Variants in ANKRD44 observed in about 807,000 individuals in gnomAD.
ANKRD44 encodes ankyrin repeat domain 44, also known as serine/threonine-protein phosphatase 6 regulatory ankyrin repeat subunit B.
ANKRD44 carries 35 observed loss-of-function variants against 116.0 expected under a neutral mutation model. The observed-to-expected ratio is 0.30, with a 90% CI of 0.23 to 0.40. The LOEUF (loss-of-function observed/expected upper bound fraction) is 0.40. ANKRD44 is among the 10% of genes least tolerant of loss of function. The pLI, the probability that ANKRD44 is intolerant of heterozygous loss-of-function variation, is 1.00. For synonymous variants in ANKRD44, 435 were observed against 461.8 expected (o/e 0.94, Z 0.74); for missense variants, 1,014 against 1,242.6 (o/e 0.82, Z 2.77).
At chr2:197,054,293 T>C (rs766757853) in intron 16 of ANKRD44, among the ~76,000 whole-genome samples, 28 of 152,126 alleles carry the variant, frequency 1.8e-4, no homozygotes, top group Non-Finnish European at 3.4e-4. Context: ...AACAAAGAAC[T>C]GAGAGAAACG....
Position 197,310,668 on chromosome 2 carries a change from C to T in ANKRD44, c.-64G>A. The T allele has an allele frequency of 4.6e-6, 6 of 1,307,456 alleles. No individual in the cohort carries two copies. The highest frequency in any genetic ancestry group is 6.0e-6 in the Non-Finnish European group (6 of 1,005,318). 81.0% of individuals were successfully genotyped at this position (1,307,456 alleles called of 1,614,324 possible). ...GGCCCGCAGATGTCACGCCGGGAGCCGGGGAAGCGGAAGGGATTGCCAGGA... is the reference window on the plus strand; with the variant it reads ...GGCCCGCAGATGTCACGCCGGGAGCTGGGGAAGCGGAAGGGATTGCCAGGA... On this transcript the variant is annotated 5_prime_UTR_variant, in exon 1 of 28. Transcript: ENST00000282272.
At chr2:197,115,157 G>A (rs2078678361) in intron 8 of ANKRD44, among the ~76,000 whole-genome samples, 1 of 152,164 alleles carries the variant, frequency 6.6e-6, no homozygotes, top group Non-Finnish European at 1.5e-5. Context: ...AAAGAATTGA[G>A]ACCATGCACA....
intron 1 of ANKRD44, among the ~76,000 whole-genome samples, chr2:197,213,372 G>A (rs1344637445): frequency 7.2e-5 from 11 of 152,104 alleles, no homozygotes; most frequent in Admixed American, 6.6e-5. Context: ...TAATATCTAC[G>A]AGGTGATTAC....
rs1282357743 is a variant in ANKRD44 at position 197,203,992 on chromosome 2, A to T, written c.28-16886T>A. Among the ~76,000 whole-genome samples the T allele has an allele frequency of 3.9e-5, 6 of 152,208 alleles. No homozygotes were observed. On this transcript the variant is annotated intron_variant, in intron 1 of 27. Coordinates refer to ENST00000282272, the MANE Select transcript of ANKRD44 (RefSeq NM_001195144.2). The surrounding 1 kb of genome is among the most constrained non-coding windows in gnomAD (Gnocchi z 4.1). ...GACTGCTTCATGGATACAGAGTTTC[A>T]TTTGGGGTGGTGAAAATGTTCTGGA...
intron 1 of ANKRD44, among the ~76,000 whole-genome samples, chr2:197,233,850 CT>C (rs1450189810): frequency 6.6e-6 from 1 of 152,204 alleles, no homozygotes; most frequent in Non-Finnish European, 1.5e-5. Flanking sequence ...TATTTTTCCT[CT>C]TTTTCAAATA....
At chr2:197,037,837 G>A (rs2076836035) in intron 16 of ANKRD44, among the ~76,000 whole-genome samples, 1 of 152,178 alleles carries the variant, frequency 6.6e-6, no homozygotes, top group African/African-American at 2.4e-5. Context: ...AGCTACTCAG[G>A]AGGCTGAGGT....
At chr2:197,173,321 A>G (rs1003159465) in intron 2 of ANKRD44, among the ~76,000 whole-genome samples, 4 of 152,200 alleles carry the variant, frequency 2.6e-5, no homozygotes, top group African/African-American at 9.7e-5. Context: ...AAAATATTCA[A>G]AACCCTTTCT....
At chr2:197,150,842 G>A (rs371744230) in intron 2 of ANKRD44, among the ~76,000 whole-genome samples, 1 of 152,054 alleles carries the variant, frequency 6.6e-6, no homozygotes, top group African/African-American at 2.4e-5. Context: ...CTAGAACTGC[G>A]ACCTCCAAGC....
intron 16 of ANKRD44, among the ~76,000 whole-genome samples, chr2:197,075,300 C>CA (rs1390774556): frequency 1.4e-4 from 22 of 152,202 alleles, no homozygotes; most frequent in African/African-American, 4.6e-4. Flanking sequence ...CAAATAGGGG[C>CA]ATGATTCCTT....
chr2:197,137,771 T>C (rs1215852975), intron 3 of ANKRD44, among the ~76,000 whole-genome samples: 2 of 152,216 alleles, frequency 1.3e-5, no homozygotes, highest in Non-Finnish European at 1.5e-5. Context: ...TATCATACTA[T>C]GCTGTCAAAG....
At chr2:197,006,150 TATC>T (rs1199060480) in intron 20 of ANKRD44, among the ~76,000 whole-genome samples, 5 of 152,144 alleles carry the variant, frequency 3.3e-5, no homozygotes, top group Non-Finnish European at 7.4e-5. Flanking sequence ...CTGTGAAAGA[TATC>T]ATGATGCGGC....
chr2:197,039,676 TGTGC>T (rs1262944136), intron 16 of ANKRD44, among the ~76,000 whole-genome samples: 1,572 of 84,416 alleles, frequency 0.019, 10 homozygotes, highest in South Asian at 0.029. Flanking sequence ...ATTGTGTGTG[TGTGC>T]GTGTGTGTGT....
chr2:197,042,842 C>A (rs886881539), intron 16 of ANKRD44, among the ~76,000 whole-genome samples: 1 of 152,162 alleles, frequency 6.6e-6, no homozygotes, highest in African/African-American at 2.4e-5. Context: ...TCAGTAAAGG[C>A]AAGAATGAGG....
At chr2:197,276,096 T>A (rs986817309) in intron 1 of ANKRD44, among the ~76,000 whole-genome samples, 2 of 151,716 alleles carry the variant, frequency 1.3e-5, no homozygotes, top group Non-Finnish European at 2.9e-5. Flanking sequence ...GCCAACATGG[T>A]GAAACCCTGT....
intron 16 of ANKRD44, among the ~76,000 whole-genome samples, chr2:197,035,530 G>A (rs963200481): frequency 1.3e-5 from 2 of 152,106 alleles, no homozygotes; most frequent in African/African-American, 4.8e-5. Flanking sequence ...ACATCAAGGA[G>A]GTTCTCTGAG....
At chr2:197,254,631 A>G (rs945878082) in intron 1 of ANKRD44, among the ~76,000 whole-genome samples, 6 of 138,302 alleles carry the variant, frequency 4.3e-5, no homozygotes, top group Non-Finnish European at 9.6e-5. Context: ...ACACACACAC[A>G]TATATATATT....
chr2:197,147,868 C>T (rs2079545738), intron 2 of ANKRD44: 1 of 455,456 alleles, frequency 2.2e-6, no homozygotes, highest in Admixed American at 2.4e-5. Flanking sequence ...AGGCTGAGAG[C>T]TAAGGTTGAT....
intron 8 of ANKRD44, among the ~76,000 whole-genome samples, chr2:197,116,742 T>C (rs1431127402): frequency 1.3e-5 from 2 of 152,174 alleles, no homozygotes; most frequent in Non-Finnish European, 2.9e-5. Context: ...AACAATCACC[T>C]TTACATGAAT....
chr2:197,186,633 T>TTTTTTTTTTTTTTTA (rs2080676863), intron 2 of ANKRD44, among the ~76,000 whole-genome samples: 1 of 110,348 alleles, frequency 9.1e-6, no homozygotes, highest in Non-Finnish European at 1.7e-5. Flanking sequence ...TTTTTTTTTT[T>TTTTTTTTTTTTTTTA]TTTTTTTTTT....
Sources: gnomAD v4.1 joint callset for allele counts (sites outside exome capture counted in the v4.1 genomes callset) on GRCh38, gnomAD v4.1.1 for gene constraint, Gnocchi (gnomAD v3.1) non-coding constraint, MANE v1.5 for transcripts, NCBI Gene and HGNC (gene_info 2026-07-23, HGNC 2026-07-21) for gene names.